Variants in DTD1 observed in about 807,000 individuals in gnomAD.
The protein encoded by DTD1 is D-aminoacyl-tRNA deacylase 1, also known as D-tyrosyl-tRNA deacylase 1 homolog.
A neutral mutation model predicts 25.6 loss-of-function variants in DTD1; 13 were observed. That is an observed-to-expected ratio of 0.51 (90% CI 0.33 to 0.81). The LOEUF is 0.81. Ranked by LOEUF, DTD1 falls within the 30% of genes least tolerant of loss-of-function variation. The pLI, the probability that DTD1 is intolerant of heterozygous loss-of-function variation, is 0.02. For synonymous variants in DTD1, 110 were observed against 103.6 expected, an observed-to-expected ratio of 1.06 and a Z score of -0.37; for missense variants, 193 against 266.4, an observed-to-expected ratio of 0.72 and a Z score of 1.92.
chr20:18,660,401 T>A lies in DTD1; in HGVS notation c.477+32168T>A, dbSNP rs188084929. The stretch of plus-strand genomic sequence containing the variant: ...CGCTTGGCAAATTTTTGTATTTTTT[T>A]GTGGAGACAGGGTTTTGCCATGTTG... On this transcript the variant is annotated intron_variant, in intron 4 of 5. Transcript: ENST00000377452. Among the ~76,000 whole-genome samples the A allele has an allele frequency of 3.9e-5, 6 of 152,044 alleles. No homozygotes were observed. The East Asian group carries it at 7.8e-4, about 20-fold the overall frequency.
chr20:18,664,657 C>T (rs2060924638), intron 4 of DTD1, among the ~76,000 whole-genome samples: 1 of 152,158 alleles, frequency 6.6e-6, no homozygotes, highest in Non-Finnish European at 1.5e-5. Context: ...ATTTTAAGCA[C>T]TTTGTATGTT....
chr20:18,612,306 T>C (rs1182054725), intron 3 of DTD1, among the ~76,000 whole-genome samples: 1 of 152,126 alleles, frequency 6.6e-6, no homozygotes, highest in Non-Finnish European at 1.5e-5. Flanking sequence ...AGTGCTGGGA[T>C]TACAGGGGTG....
rs146497662 is a variant in DTD1 at position 18,588,100 on chromosome 20, C to T, written c.28C>T (p.Arg10Trp). Residue 10 changes from arginine (R) to tryptophan (W), a missense_variant, in exon 1 of 6, where the codon CGG becomes TGG. Transcript: ENST00000377452. Reference protein sequence around the residue: MKAVVQRVTRASVTVGGEQI... With the variant: MKAVVQRVTWASVTVGGEQI... ...GAAGGCCGTGGTGCAGCGCGTCACC[C>T]GGGCCAGCGTCACAGGTCAGTCGGG... 6,694 of 1,326,706 alleles carry T rather than the reference C, an allele frequency of 5.0e-3. 319 individuals are homozygous for T. The African/African-American group carries it at 0.093, about 18-fold the overall frequency. The allele number at this position is 1,326,706 out of a possible 1,614,324, so 82.2% of individuals were successfully genotyped here. A position where few individuals can be genotyped will look rare whatever the true frequency, so the allele number is the denominator to read the frequency against.
intron 4 of DTD1, among the ~76,000 whole-genome samples, chr20:18,669,676 G>T (rs1360689496): frequency 6.6e-6 from 1 of 152,126 alleles, no homozygotes; most frequent in Non-Finnish European, 1.5e-5. Context: ...GTTAGGTGCA[G>T]ATGACCCAGA....
intron 4 of DTD1, among the ~76,000 whole-genome samples, chr20:18,723,607 A>G (rs1346045474): frequency 6.6e-6 from 1 of 152,256 alleles, no homozygotes; most frequent in Non-Finnish European, 1.5e-5. Flanking sequence ...TCCACACTAC[A>G]GTACACTTGG....
At chr20:18,674,906 G>A (rs2060964215) in intron 4 of DTD1, 1 of 152,316 alleles carries the variant, frequency 6.6e-6, no homozygotes, top group Non-Finnish European at 1.5e-5. Context: ...GGCCGTCTCT[G>A]TTAGTTGTTT....
Position 18,744,269 on chromosome 20 carries a change from C to T in DTD1, c.*17C>T. 6.2e-7 allele frequency: 1 copy of T among 1,610,522 alleles called. No homozygotes were observed. Among genetic ancestry groups the T allele is most frequent in the Non-Finnish European group, 8.5e-7 (1 of 1,179,500 alleles). ...GAGCCGTAGCTCAGGAGGCAGAATT[C>T]AGGTAGGAGTTTCCCTGCTTGGCTT... On this transcript the variant is annotated splice_region_variant and 3_prime_UTR_variant, in exon 5 of 6. Transcript: ENST00000377452.
intron 5 of DTD1, among the ~76,000 whole-genome samples, chr20:18,752,988 C>A (rs2061326255): frequency 6.6e-6 from 1 of 152,156 alleles, no homozygotes. Flanking sequence ...ATAAATTGGC[C>A]ATTACCTTAT....
intron 4 of DTD1, among the ~76,000 whole-genome samples, chr20:18,646,007 G>A (rs1568657188): frequency 6.6e-6 from 1 of 152,134 alleles, no homozygotes; most frequent in African/African-American, 2.4e-5. Flanking sequence ...TTGAAATGAG[G>A]TCATCCAAGG....
At chr20:18,617,946 G>A (rs1486638462) in intron 3 of DTD1, among the ~76,000 whole-genome samples, 2 of 151,838 alleles carry the variant, frequency 1.3e-5, no homozygotes, top group African/African-American at 4.8e-5. Context: ...ACTGTTCTGT[G>A]GCAGGACCAT....
Position 18,741,180 on chromosome 20 carries a change from G to T in DTD1, c.478-2920G>T, listed in dbSNP as rs909098582. On this transcript the variant is annotated intron_variant, in intron 4 of 5. Transcript: ENST00000377452. ...CTTTCTCAGCATCTAACTTGGACCT[G>T]TTCATGAGTATTTATATATGTGTGT... Among the ~76,000 whole-genome samples, 7 of 152,202 alleles carry T rather than the reference G, an allele frequency of 4.6e-5. No individual in the cohort carries two copies. In the East Asian group the frequency reaches 9.6e-4, roughly 21 times the overall value.
intron 5 of DTD1, among the ~76,000 whole-genome samples, chr20:18,760,165 T>C (rs190014097): frequency 1.3e-5 from 2 of 152,342 alleles, no homozygotes; most frequent in East Asian, 3.9e-4. Flanking sequence ...TTTATCTTCT[T>C]TGCCATGGGT....
Position 18,693,363 on chromosome 20 carries a change from A to G in DTD1, c.478-50737A>G, listed in dbSNP as rs185666832. On this transcript the variant is annotated intron_variant, in intron 4 of 5. Coordinates refer to ENST00000377452, the MANE Select transcript of DTD1 (RefSeq NM_080820.6). ...GTTTTCTGCCAGCTTTTCTTGTAATAGAAAAATTGAGGGCCAGGTGCGGTG... is the reference window on the plus strand; with the variant it reads ...GTTTTCTGCCAGCTTTTCTTGTAATGGAAAAATTGAGGGCCAGGTGCGGTG... 1.3e-3 allele frequency among the ~76,000 whole-genome samples: 194 copies of G among 152,234 alleles called. 1 individual carries two copies. The highest frequency in any genetic ancestry group is 4.6e-3 in the African/African-American group (190 of 41,544).
At chr20:18,624,019 C>G (rs1052114467) in intron 3 of DTD1, among the ~76,000 whole-genome samples, 1 of 152,106 alleles carries the variant, frequency 6.6e-6, no homozygotes, top group African/African-American at 2.4e-5. Context: ...GAGGCTCACT[C>G]TGGCCATGGG....
At chr20:18,618,926 T>C (rs900501420) in intron 3 of DTD1, among the ~76,000 whole-genome samples, 1 of 152,220 alleles carries the variant, frequency 6.6e-6, no homozygotes, top group Non-Finnish European at 1.5e-5. Flanking sequence ...TTGGCCAGGC[T>C]CATCTCGAAC....
chr20:18,751,841 G>GT (rs149413679), intron 5 of DTD1, among the ~76,000 whole-genome samples: 52,996 of 147,130 alleles, frequency 0.36, 10,982 homozygotes, highest in South Asian at 0.5. Context: ...TAGACTTGTA[G>GT]TTTTTTTTTT....
intron 4 of DTD1, among the ~76,000 whole-genome samples, chr20:18,686,490 A>C (rs2061017025): frequency 6.6e-6 from 1 of 152,252 alleles, no homozygotes; most frequent in Admixed American, 6.5e-5. Context: ...CCTTCCCAGC[A>C]GCAAAGTATA....
intron 5 of DTD1, among the ~76,000 whole-genome samples, chr20:18,759,072 G>GT (rs960680588): frequency 2.6e-5 from 4 of 151,622 alleles, no homozygotes; most frequent in African/African-American, 7.3e-5. Flanking sequence ...GCCTTTTTTT[G>GT]TTTTTTCATT....
At chr20:18,751,045 C>G (rs895249565) in intron 5 of DTD1, among the ~76,000 whole-genome samples, 1 of 149,752 alleles carries the variant, frequency 6.7e-6, no homozygotes, top group Non-Finnish European at 1.5e-5. Flanking sequence ...CACACTTCTT[C>G]CTAATGAGCT....
Sources: gnomAD v4.1 joint callset for allele counts (sites outside exome capture counted in the v4.1 genomes callset) on GRCh38, gnomAD v4.1.1 for gene constraint, MANE v1.5 for transcripts, NCBI Gene and HGNC (gene_info 2026-07-23, HGNC 2026-07-21) for gene names.